Variants in MYO15B observed in about 807,000 individuals in gnomAD.
MYO15B encodes myosin XVB, also known as myosin XVB pseudogene.
MYO15B carries 207 observed loss-of-function variants against 119.3 expected under a neutral mutation model. The observed-to-expected ratio is 1.73, with a 90% CI of 1.55 to 1.95. The LOEUF is 1.95. MYO15B is among the 30% of genes most tolerant of loss of function. MYO15B has a pLI of 0.00. For synonymous variants in MYO15B, 966 were observed against 498.9 expected (o/e 1.94, Z -12.48); for missense variants, 2,264 against 1,203.1 (o/e 1.88, Z -13.04).
intron 9 of MYO15B, 138 bp from the exon 10 acceptor site, chr17:75,594,337 A>G (rs578128071): frequency 1.6e-5 from 8 of 512,494 alleles, no homozygotes; most frequent in African/African-American, 1.6e-4. Flanking sequence ...CCTCGCTCCT[A>G]ATGGCCCAGA....
At chr17:75,593,488 C>T (rs999128144) in intron 9 of MYO15B, among the ~76,000 whole-genome samples, 1 of 151,870 alleles carries the variant, frequency 6.6e-6, no homozygotes, top group Non-Finnish European at 1.5e-5. Flanking sequence ...TGTGGTGGCA[C>T]ATCCCAGCTA....
rs966684540 is a variant in MYO15B, at chr17:75,588,907, C to T, written c.850C>T (p.Gln284Ter). 1.5e-5 allele frequency: 6 copies of T among 398,310 alleles called. No homozygotes were observed. Among genetic ancestry groups the T allele is most frequent in the Non-Finnish European group, 2.2e-5 (5 of 225,908 alleles). The allele number at this position is 398,310 out of a possible 1,614,324, so 24.7% of individuals were successfully genotyped here. A position where few individuals can be genotyped will look rare whatever the true frequency, so the allele number is the denominator to read the frequency against. ...CAAGGACGCGAGCGACAACCGGGCG[C>T]AGCGGGGCGCCGAGCCAGAAACAAT... Residue 284 changes from glutamine (Q) to a stop codon, truncating the protein, a stop_gained, in exon 1 of 64, where the codon CAG becomes TAG. Transcript: ENST00000645453. LOFTEE classifies it high-confidence loss of function.
At chr17:75,603,367 G>A in intron 19 of MYO15B, 55 bp downstream of exon 19, 4 of 694,068 alleles carry the variant, frequency 5.8e-6, no homozygotes, top group Non-Finnish European at 1.1e-5. Flanking sequence ...GGAGTGACTG[G>A]CAGCCCCGGG....
exon 1 of MYO15B, among the ~76,000 whole-genome samples, chr17:75,587,879 C>T (rs1284592272): frequency 1.3e-5 from 2 of 152,266 alleles, no homozygotes; most frequent in African/African-American, 4.8e-5. Flanking sequence ...GGGTCAGGAC[C>T]CGCCGCCTTC....
chr17:75,624,148 C>T (rs1181406709), intron 55 of MYO15B, 27 bp from the exon 56 acceptor site: 20 of 702,642 alleles, frequency 2.8e-5, no homozygotes, highest in Non-Finnish European at 4.9e-5. Context: ...ATGGCCATCT[C>T]ATAACCCCAG....
At chr17:75,592,157 G>C (rs368313309) in intron 6 of MYO15B, 77 bp downstream of exon 6, 6 of 701,166 alleles carry the variant, frequency 8.6e-6, no homozygotes, top group Admixed American at 2.0e-5. Context: ...CTGGGGTCCA[G>C]ACCCTGGTAG....
intron 43 of MYO15B, among the ~76,000 whole-genome samples, chr17:75,618,544 G>A (rs943986924): frequency 2.0e-5 from 3 of 152,244 alleles, no homozygotes; most frequent in Non-Finnish European, 2.9e-5. Flanking sequence ...AGCTACTTGG[G>A]AGGCTGAGGC....
intron 52 of MYO15B, 73 bp from the exon 53 acceptor site, chr17:75,621,931 C>T (rs2058733861): frequency 1.5e-6 from 1 of 688,200 alleles, no homozygotes; most frequent in South Asian, 1.5e-5. Context: ...AGGCCCTGCA[C>T]AGCAACAGCA....
rs537126941 is a variant in MYO15B, at chr17:75,620,999, C to T, written c.7726-32C>T. ...GACCCCTGGGACAGGGCACTGGACACTCAGGTGGCACCAGGTTTCTTGTGA... is the reference window on the plus strand; with the variant it reads ...GACCCCTGGGACAGGGCACTGGACATTCAGGTGGCACCAGGTTTCTTGTGA... On this transcript the variant is annotated intron_variant, in intron 49 of 63. Transcript: ENST00000645453. 4.7e-4 allele frequency: 328 copies of T among 702,918 alleles called. 1 individual carries two copies. The Middle Eastern group carries it at 5.3e-3, about 11-fold the overall frequency. 43.5% of individuals were successfully genotyped at this position (702,918 alleles called of 1,614,324 possible). A position where few individuals can be genotyped will look rare whatever the true frequency, so the allele number is the denominator to read the frequency against.
At chr17:75,621,862 A>G (rs2058730588) in intron 52 of MYO15B, 142 bp from the exon 53 acceptor site, 1 of 624,296 alleles carries the variant, frequency 1.6e-6, no homozygotes, top group Non-Finnish European at 2.9e-6. Context: ...TCGAGCTGCA[A>G]CCAGCTGCCC....
intron 45 of MYO15B, 59 bp from the exon 46 acceptor site, chr17:75,619,622 G>C (rs1032695201): frequency 1.4e-6 from 1 of 697,672 alleles, no homozygotes; most frequent in Non-Finnish European, 2.6e-6. Flanking sequence ...GCAGCTCCAG[G>C]GCATCTTGGG....
chr17:75,624,254 A>G (rs1470244320), exon 56 of MYO15B: 2 of 702,900 alleles, frequency 2.8e-6, no homozygotes, highest in African/African-American at 3.5e-5. Context: ...CACCGGGTGA[A>G]ATGAAGGCTT....
intron 12 of MYO15B, among the ~76,000 whole-genome samples, chr17:75,595,411 C>T (rs922402491): frequency 2.0e-5 from 3 of 152,170 alleles, no homozygotes; most frequent in Non-Finnish European, 2.9e-5. Flanking sequence ...TGCTGTCCTC[C>T]TGCTGGGAGG....
chr17:75,591,095 C>T (rs746081682), intron 3 of MYO15B, 77 bp from the exon 4 acceptor site: 20 of 697,342 alleles, frequency 2.9e-5, no homozygotes, highest in South Asian at 1.5e-4. Flanking sequence ...ACTGAGGTCC[C>T]GGGGCCTGTG....
chr17:75,603,472 C>CTCTT (rs2057418008), intron 19 of MYO15B, among the ~76,000 whole-genome samples, 160 bp downstream of exon 19: 1 of 152,230 alleles, frequency 6.6e-6, no homozygotes, highest in African/African-American at 2.4e-5. Flanking sequence ...CTCTCTCTCT[C>CTCTT]TCTCTTTCTC....
In MYO15B at chr17:75,626,481, CTG is replaced by C. The variant is rs1568247305; in HGVS notation, c.9289_9290del (p.Ter3097ArgfsTer11). ...CTTGCACTGAGTGGCCCAGCATCAA[CTG>C]AGAGGAGTGCAGGCCGGGGAGAGAA... is the stretch of plus-strand genomic sequence containing the variant. On this transcript the variant is annotated frameshift_variant and stop_lost, in exon 64 of 64. Transcript: ENST00000645453. LOFTEE classifies it high-confidence loss of function. 1.4e-6 allele frequency: 1 copy of C among 703,236 alleles called. No individual in the cohort carries two copies. The highest frequency in any genetic ancestry group is 2.6e-6 in the Non-Finnish European group (1 of 385,062). The allele number at this position is 703,236 out of a possible 1,614,324, so 43.6% of individuals were successfully genotyped here.
chr17:75,614,168 C>T, intron 29 of MYO15B, 31 bp from the exon 30 acceptor site: 2 of 699,188 alleles, frequency 2.9e-6, no homozygotes, highest in Non-Finnish European at 5.2e-6. Context: ...GGATGGCCGC[C>T]TGCCTCACTG....
chr17:75,617,975 G>T (rs369753992), intron 42 of MYO15B, 53 bp downstream of exon 42: 1 of 696,102 alleles, frequency 1.4e-6, no homozygotes, highest in East Asian at 2.7e-5. Context: ...GCAGGGAGGC[G>T]GCAGGCTTTG....
intron 12 of MYO15B, among the ~76,000 whole-genome samples, chr17:75,596,154 AGCCAACCT>A (rs1260932764): frequency 2.0e-5 from 3 of 152,204 alleles, no homozygotes; most frequent in African/African-American, 7.2e-5. Context: ...GGACTCTGAT[AGCCAACCT>A]GCTATTTAGT....
Sources: allele counts gnomAD v4.1 joint callset (sites outside exome capture counted in the v4.1 genomes callset), GRCh38; gene constraint gnomAD v4.1.1; transcripts MANE v1.5; gene names NCBI Gene and HGNC (gene_info 2026-07-23, HGNC 2026-07-21).